The following TLR3 variants were observed in gnomAD, a reference collection of about 807,000 sequenced individuals.
The protein encoded by TLR3 is toll-like receptor 3.
Under a neutral mutation model 66.4 loss-of-function variants are expected in TLR3, and 43 were observed. The ratio of observed to expected loss-of-function variants is 0.65; its 90% CI spans 0.51 to 0.83. TLR3 has a LOEUF of 0.83. TLR3 is among the 40% of genes least tolerant of loss of function. The pLI, the probability that TLR3 is intolerant of heterozygous loss-of-function variation, is 0.00. For synonymous variants in TLR3, 397 were observed against 397.2 expected (o/e 1.00, Z 0.01); for missense variants, 982 against 1,044.6 (o/e 0.94, Z 0.83).
intron 1 of TLR3, among the ~76,000 whole-genome samples, chr4:186,073,365 T>G (rs2099301831): frequency 1.3e-5 from 2 of 151,684 alleles, no homozygotes; most frequent in Admixed American, 1.3e-4. Flanking sequence ...ACTACAAATA[T>G]AAAAATTAGC....
At position 186,076,802 on chromosome 4, in the gene TLR3, T is replaced by G. The variant is rs747726110; in HGVS notation, c.183T>G (p.Asn61Lys). The G allele has an allele frequency of 6.2e-7, 1 of 1,614,128 alleles. No homozygotes were observed. Among genetic ancestry groups the G allele is most frequent in the Non-Finnish European group, 8.5e-7 (1 of 1,180,028 alleles). ...TNITVLNLTH[N>K]QLRRLPAANF... is the part of the protein sequence containing the mutation. ...TAACAGTGTTGAACCTTACCCATAA[T>G]CAACTCAGAAGATTACCAGCCGCCA... The change falls in exon 2 of 5, where the codon AAT becomes AAG. Residue 61 changes from asparagine (N) to lysine (K), a missense_variant. Transcript: ENST00000296795.
In TLR3 at chr4:186,083,805, A is replaced by G. The variant is rs748880553; in HGVS notation, c.2119A>G (p.Met707Val). The G allele has an allele frequency of 9.3e-6, 15 of 1,613,912 alleles. No homozygotes were observed. In the South Asian group the frequency reaches 1.6e-4, roughly 18 times the overall value. Residue 707 changes from methionine to valine, a missense_variant, in exon 4 of 5, where the codon ATG (methionine) becomes GTG (valine). Met to Val is a conservative substitution (Grantham distance 21, BLOSUM62 1). Transcript: ENST00000296795. The surrounding 1 kb of genome is among the most constrained non-coding windows in gnomAD (Gnocchi z 4.0). ...KDSAPFELFF[M>V]INTSILLIFI... is the part of the protein sequence containing the mutation. ...CAGTGCCCCCTTTGAACTCTTTTTC[A>G]TGATCAATACCAGTATCCTGTTGAT...
Position 186,082,373 on chromosome 4 carries a change from C to T in TLR3, c.687C>T (p.Asn229=), listed in dbSNP as rs776931310. 1 of 1,613,218 alleles carries T rather than the reference C, an allele frequency of 6.2e-7. No individual in the cohort carries two copies. Among genetic ancestry groups the T allele is most frequent in the African/African-American group, 1.3e-5 (1 of 74,660 alleles). ...GAAGATTATTTGGCCTCTTTCTGAA[C>T]AATGTCCAGCTGGGTCCCAGCCTTA... ...AIGRLFGLFL[N]NVQLGPSLTE... Residue 229 remains asparagine, a synonymous_variant, in exon 4 of 5, where the codon AAC becomes AAT. Coordinates refer to ENST00000296795, the MANE Select transcript of TLR3 (RefSeq NM_003265.3).
intron 1 of TLR3, among the ~76,000 whole-genome samples, chr4:186,074,321 G>A (rs1439760031): frequency 2.0e-5 from 3 of 152,242 alleles, no homozygotes; most frequent in Admixed American, 6.5e-5. Context: ...CGCCCAGCCT[G>A]CAAAACCAGA....
chr4:186,081,268 CA>C (rs10604227), intron 3 of TLR3, among the ~76,000 whole-genome samples: 33,523 of 139,526 alleles, frequency 0.24, 3,820 homozygotes, highest in Admixed American at 0.28. Context: ...AACTCTGTCT[CA>C]AAAAAAAAAA....
chr4:186,076,178 C>T (rs371714273), intron 1 of TLR3, among the ~76,000 whole-genome samples: 10 of 151,754 alleles, frequency 6.6e-5, no homozygotes, highest in African/African-American at 9.7e-5. Flanking sequence ...CAAAATAAAA[C>T]GAAACAAAAA....
chr4:186,069,697 A>G (rs2099301106), intron 1 of TLR3, among the ~76,000 whole-genome samples: 1 of 152,206 alleles, frequency 6.6e-6, no homozygotes, highest in Non-Finnish European at 1.5e-5. Context: ...TTGTATGACA[A>G]TGTCTTAGAT....
chr4:186,076,685 A>G lies in TLR3; in HGVS notation c.66A>G (p.Ala22=), dbSNP rs146166844. 1.3e-4 allele frequency: 205 copies of G among 1,614,160 alleles called. No individual in the cohort carries two copies. The African/African-American group carries it at 2.2e-3, about 18-fold the overall frequency. Residue 22 remains alanine (A), a synonymous_variant, in exon 2 of 5, where the codon GCA becomes GCG. Coordinates refer to ENST00000296795, the MANE Select transcript of TLR3 (RefSeq NM_003265.3). ...GGLLPFGMLC[A]SSTTKCTVSH... ...TTTTGCCCTTTGGGATGCTGTGTGCATCCTCCACCACCAAGTGCACTGTTA... is the reference window on the plus strand; with the variant it reads ...TTTTGCCCTTTGGGATGCTGTGTGCGTCCTCCACCACCAAGTGCACTGTTA...
chr4:186,070,364 T>C lies in TLR3; in HGVS notation c.-8+1116T>C, dbSNP rs571303218. Among the ~76,000 whole-genome samples the C allele has an allele frequency of 4.5e-4, 68 of 152,138 alleles. 1 individual carries two copies. In the South Asian group the frequency reaches 0.014, roughly 32 times the overall value. ...GATGTGAAATTTCCCTATCTTATTTTATTTTATTTTATTTCATTTTATTTC... is the reference window on the plus strand; with the variant it reads ...GATGTGAAATTTCCCTATCTTATTTCATTTTATTTTATTTCATTTTATTTC... On this transcript the variant is annotated intron_variant, in intron 1 of 4. Coordinates refer to ENST00000296795, the MANE Select transcript of TLR3 (RefSeq NM_003265.3).
chr4:186,082,869 A>G lies in TLR3; in HGVS notation c.1183A>G (p.Thr395Ala). 6.2e-7 allele frequency: 1 copy of G among 1,613,676 alleles called. No individual in the cohort carries two copies. Among genetic ancestry groups the G allele is most frequent in the Admixed American group, 1.7e-5 (1 of 59,976 alleles). The change falls in exon 4 of 5, where the codon ACT (threonine) becomes GCT (alanine). Residue 395 changes from threonine to alanine, a missense_variant. Physicochemically the swap from Thr to Ala is moderately conservative, Grantham distance 58. This residue lies in a region of TLR3 where 666 missense variants were observed against 709.0 expected (regional missense o/e 0.94). Coordinates refer to ENST00000296795, the MANE Select transcript of TLR3 (RefSeq NM_003265.3). ...ATCCAACTCCTTTACAAGTTTGCGAACTTTGACAAATGAAACATTTGTATC... is the reference window on the plus strand; with the variant it reads ...ATCCAACTCCTTTACAAGTTTGCGAGCTTTGACAAATGAAACATTTGTATC... The part of the protein sequence containing the change: ...SLSNSFTSLR[T>A]LTNETFVSLA...
chr4:186,074,091 A>T (rs1393653417), intron 1 of TLR3, among the ~76,000 whole-genome samples: 1 of 152,250 alleles, frequency 6.6e-6, no homozygotes, highest in East Asian at 1.9e-4. Flanking sequence ...TGGTGGTGCA[A>T]CACTTTCCCA....
chr4:186,078,769 T>G, intron 2 of TLR3, 71 bp from the exon 3 acceptor site: 1 of 1,287,394 alleles, frequency 7.8e-7, no homozygotes, highest in East Asian at 2.4e-5. Flanking sequence ...ATTTTTCAGA[T>G]GTACTTACAT....
At chr4:186,071,679 G>T in intron 1 of TLR3, among the ~76,000 whole-genome samples, 1 of 152,022 alleles carries the variant, frequency 6.6e-6, no homozygotes, top group African/African-American at 2.4e-5. Context: ...ATGGAAGCCA[G>T]TTTTTTTTGT....
intron 2 of TLR3, 122 bp from the exon 3 acceptor site, chr4:186,078,718 T>G: frequency 2.6e-6 from 2 of 761,784 alleles, no homozygotes; most frequent in Non-Finnish European, 4.4e-6. Context: ...CTGTTAGTAT[T>G]CTACAGAATA....
intron 1 of TLR3, among the ~76,000 whole-genome samples, chr4:186,073,092 T>C (rs1396659918): frequency 6.6e-6 from 1 of 152,292 alleles, no homozygotes; most frequent in Non-Finnish European, 1.5e-5. Context: ...CAATGTGGTA[T>C]TGGCCTAAGA....
Position 186,083,926 on chromosome 4 carries a change from TAGAC to T in TLR3, c.2252_2255del (p.Thr751AsnfsTer9), listed in dbSNP as rs754224548. Reference sequence around the variant, plus strand: ...CATCGAGTTCTTGGTTTCAAAGAAATAGACAGACAGACAGAACAGTTTGAATATG... The same window carrying T: ...CATCGAGTTCTTGGTTTCAAAGAAATAGACAGACAGAACAGTTTGAATATG... On this transcript the variant is annotated frameshift_variant, in exon 4 of 5. Coordinates refer to ENST00000296795, the MANE Select transcript of TLR3 (RefSeq NM_003265.3). LOFTEE classifies it high-confidence loss of function. This position sits in a 1 kb window ranked among gnomAD's most constrained non-coding sequence, Gnocchi z 4.0. The T allele has an allele frequency of 3.3e-5, 54 of 1,614,188 alleles. No individual in the cohort carries two copies. Among genetic ancestry groups the T allele is most frequent in the Middle Eastern group, 3.3e-4 (2 of 6,062 alleles).
chr4:186,074,723 C>A (rs1027113036), intron 1 of TLR3, among the ~76,000 whole-genome samples: 2 of 152,092 alleles, frequency 1.3e-5, no homozygotes, highest in Non-Finnish European at 2.9e-5. Flanking sequence ...TTAAAACAAG[C>A]ACATTGTACA....
Position 186,082,371 on chromosome 4 carries a change from A to G in TLR3, c.685A>G (p.Asn229Asp). Reference sequence around the variant, plus strand: ...TGGAAGATTATTTGGCCTCTTTCTGAACAATGTCCAGCTGGGTCCCAGCCT... The same window carrying G: ...TGGAAGATTATTTGGCCTCTTTCTGGACAATGTCCAGCTGGGTCCCAGCCT... The part of the protein sequence containing the change: ...AIGRLFGLFL[N>D]NVQLGPSLTE... The change falls in exon 4 of 5, where the codon AAC becomes GAC. Residue 229 changes from asparagine (N) to aspartate (D), a missense_variant. By Grantham distance (23) the Asn-to-Asp change is conservative (BLOSUM62 1). Transcript: ENST00000296795. 1.2e-6 allele frequency: 2 copies of G among 1,613,752 alleles called. No homozygotes were observed. The highest frequency in any genetic ancestry group is 1.7e-6 in the Non-Finnish European group (2 of 1,179,992).
chr4:186,073,833 C>T (rs777095222), intron 1 of TLR3, among the ~76,000 whole-genome samples: 14 of 152,088 alleles, frequency 9.2e-5, no homozygotes, highest in South Asian at 2.1e-4. Flanking sequence ...AGGAATCTGA[C>T]GAAGGACTGA....
Sources: allele counts gnomAD v4.1 joint callset (sites outside exome capture counted in the v4.1 genomes callset), GRCh38; gene constraint gnomAD v4.1.1; regional missense constraint gnomAD v4.1.1; non-coding constraint Gnocchi (gnomAD v3.1); transcripts MANE v1.5; gene names NCBI Gene and HGNC (gene_info 2026-07-23, HGNC 2026-07-21).